Variants in DMXL1 observed in about 807,000 individuals in gnomAD.
DMXL1 encodes the protein dmX-like protein 1.
In DMXL1, 99 loss-of-function variants were observed where a neutral mutation model predicts 319.2. The observed-to-expected ratio is 0.31, with a 90% CI of 0.26 to 0.37. DMXL1 has a LOEUF of 0.37. Among genes scored for constraint, DMXL1 ranks in the 10% least tolerant of loss-of-function variants. DMXL1 has a pLI of 1.00. For synonymous variants in DMXL1, 1,385 were observed against 1,235.2 expected, an observed-to-expected ratio of 1.12 and a Z score of -2.54; for missense variants, 3,745 against 3,595.6, an observed-to-expected ratio of 1.04 and a Z score of -1.06.
At chr5:119,154,468 A>G (rs1434032786) in intron 19 of DMXL1, among the ~76,000 whole-genome samples, 1 of 152,268 alleles carries the variant, frequency 6.6e-6, no homozygotes, top group Non-Finnish European at 1.5e-5. Context: ...ACTAGCCACA[A>G]GATTCTCTTA....
chr5:119,197,640 T>A (rs1281087522), intron 31 of DMXL1, 115 bp from the exon 32 acceptor site: 1 of 945,246 alleles, frequency 1.1e-6, no homozygotes, highest in Non-Finnish European at 1.6e-6. Flanking sequence ...ATATTTCATC[T>A]CAGTCTTTTT....
chr5:119,165,991 C>T (rs1324873263), intron 21 of DMXL1, among the ~76,000 whole-genome samples: 2 of 152,204 alleles, frequency 1.3e-5, no homozygotes, highest in African/African-American at 2.4e-5. Context: ...TACCTCTGCA[C>T]TATGGGCCAG....
At chr5:119,099,879 T>C (rs1756848841) in intron 2 of DMXL1, among the ~76,000 whole-genome samples, 1 of 152,110 alleles carries the variant, frequency 6.6e-6, no homozygotes, top group Non-Finnish European at 1.5e-5. Context: ...TATGCTCCTG[T>C]AGTCCTAGCT....
At chr5:119,194,015 T>G in intron 30 of DMXL1, 45 bp downstream of exon 30, 1 of 1,319,290 alleles carries the variant, frequency 7.6e-7, no homozygotes, top group Non-Finnish European at 1.0e-6. Flanking sequence ...AATAATGGTG[T>G]ATATAAATAA....
intron 20 of DMXL1, 89 bp from the exon 21 acceptor site, chr5:119,165,094 C>G (rs1184600089): frequency 4.1e-6 from 3 of 738,378 alleles, no homozygotes; most frequent in African/African-American, 1.8e-5. Context: ...ATTAAACATT[C>G]AATGGATATG....
intron 1 of DMXL1, among the ~76,000 whole-genome samples, chr5:119,083,576 C>T (rs1176895390): frequency 1.3e-5 from 2 of 151,910 alleles, no homozygotes; most frequent in Non-Finnish European, 2.9e-5. Context: ...GAGTCTTGCT[C>T]TGTTGCCCAG....
intron 40 of DMXL1, among the ~76,000 whole-genome samples, chr5:119,238,222 G>C (rs983294662): frequency 1.3e-4 from 20 of 151,950 alleles, no homozygotes; most frequent in African/African-American, 4.8e-4. Flanking sequence ...AGAGGATTTT[G>C]TCTGTTTTAA....
Position 119,143,950 on chromosome 5 carries a change from G to T in DMXL1, c.2466+20G>T. On this transcript the variant is annotated intron_variant, in intron 14 of 43. Transcript: ENST00000539542. ...AAACTTGTAAGTATTAATTTTGGGG[G>T]GGAGGTATATTAAAAAAAAGTTTAT... The T allele has an allele frequency of 6.9e-7, 1 of 1,449,948 alleles. No homozygotes were observed. Among genetic ancestry groups the T allele is most frequent in the African/African-American group, 1.5e-5 (1 of 68,704 alleles). 89.8% of individuals were successfully genotyped at this position (1,449,948 alleles called of 1,614,324 possible).
rs186431441 is a variant in DMXL1 at position 119,101,349 on chromosome 5, G to T, written c.214-586G>T. Among the ~76,000 whole-genome samples, 806 of 151,552 alleles carry T rather than the reference G, an allele frequency of 5.3e-3. 3 individuals are homozygous for T. The highest frequency in any genetic ancestry group is 0.019 in the African/African-American group (777 of 41,270). ...ATTCATTCATTTAATCTCTCTCTCT[G>T]TTTGATTTCCAATATTTTGATGTTC... On this transcript the variant is annotated intron_variant, in intron 2 of 43. Coordinates refer to ENST00000539542, the MANE Select transcript of DMXL1 (RefSeq NM_001290321.3).
chr5:119,175,191 A>T, intron 25 of DMXL1, 70 bp from the exon 26 acceptor site: 1 of 1,181,152 alleles, frequency 8.5e-7, no homozygotes, highest in Middle Eastern at 2.3e-4. Flanking sequence ...TGCTGATTAT[A>T]TTAGGTCTTG....
rs73247055 is a variant in DMXL1, at chr5:119,227,320, C to T, written c.8338+2551C>T. On this transcript the variant is annotated intron_variant, in intron 38 of 43. Coordinates refer to ENST00000539542, the MANE Select transcript of DMXL1 (RefSeq NM_001290321.3). ...AATAAGTATTTGTTGAAATCATACACTTGATAGGTTCTATATAAGCCTAGC... is the reference window on the plus strand; with the variant it reads ...AATAAGTATTTGTTGAAATCATACATTTGATAGGTTCTATATAAGCCTAGC... Among the ~76,000 whole-genome samples the T allele has an allele frequency of 1.8e-3, 269 of 152,172 alleles. 1 individual carries two copies. Among genetic ancestry groups the T allele is most frequent in the African/African-American group, 6.0e-3 (247 of 41,512 alleles).
At chr5:119,215,624 A>G (rs936738026) in intron 34 of DMXL1, among the ~76,000 whole-genome samples, 2 of 151,950 alleles carry the variant, frequency 1.3e-5, no homozygotes, top group African/African-American at 4.8e-5. Flanking sequence ...GAGCCACCAC[A>G]CCTGACCTTA....
At chr5:119,148,591 T>C (rs1008228221) in intron 17 of DMXL1, 148 bp from the exon 18 acceptor site, 12 of 703,270 alleles carry the variant, frequency 1.7e-5, no homozygotes, top group East Asian at 5.4e-5. Context: ...CTGTCTATTA[T>C]GCAGTTTAAA....
chr5:119,178,594 T>C, intron 28 of DMXL1: 1 of 985,338 alleles, frequency 1.0e-6, no homozygotes, highest in South Asian at 4.7e-5. Context: ...TTGCTATGCC[T>C]AGCCCCCACC....
At chr5:119,151,630 C>T (rs1416512789) in intron 18 of DMXL1, among the ~76,000 whole-genome samples, 1 of 151,972 alleles carries the variant, frequency 6.6e-6, no homozygotes, top group Non-Finnish European at 1.5e-5. Flanking sequence ...GTACATGTGC[C>T]ACAGAAAAGG....
At position 119,149,239 on chromosome 5, in the gene DMXL1, C is replaced by G; in HGVS notation, c.3412C>G (p.His1138Asp). ...AGAGAATATCACATCAAACACAAAG[C>G]ATTTAGTTCACTTAGATTGGATGTC... is the stretch of plus-strand genomic sequence containing the variant. Reference protein sequence around the residue: ...SKENITSNTKHLVHLDWMSRE... With the variant: ...SKENITSNTKDLVHLDWMSRE... Residue 1138 changes from histidine (H) to aspartate (D), a missense_variant, in exon 18 of 44, where the codon CAT becomes GAT. Transcript: ENST00000539542. 3 of 1,613,816 alleles carry G rather than the reference C, an allele frequency of 1.9e-6. No individual in the cohort carries two copies. The East Asian group carries it at 6.7e-5, about 36-fold the overall frequency.
At position 119,219,560 on chromosome 5, in the gene DMXL1, A is replaced by ATTTATTTATTTATTT. The variant is rs200458602; in HGVS notation, c.8014-912_8014-911insTTTATTTATTTATTT. On this transcript the variant is annotated intron_variant, in intron 35 of 43. Transcript: ENST00000539542. ...CTGTTTCAAAGATACACATTTAATTAATTAATTAATTTATTTATTTATTTA... is the reference window on the plus strand; with the variant it reads ...CTGTTTCAAAGATACACATTTAATTATTTATTTATTTATTTATTAATTAATTTATTTATTTATTTA... 7.3e-4 allele frequency among the ~76,000 whole-genome samples: 110 copies of ATTTATTTATTTATTT among 151,126 alleles called. 1 individual carries two copies. The highest frequency in any genetic ancestry group is 2.5e-3 in the African/African-American group (103 of 40,734).
chr5:119,234,438 C>T (rs1293015927), intron 39 of DMXL1, among the ~76,000 whole-genome samples: 3 of 152,212 alleles, frequency 2.0e-5, no homozygotes, highest in Admixed American at 1.3e-4. Flanking sequence ...CTCCCTCACA[C>T]ATTAAATTCT....
At chr5:119,187,362 A>G (rs1217215603) in intron 28 of DMXL1, among the ~76,000 whole-genome samples, 1 of 152,212 alleles carries the variant, frequency 6.6e-6, no homozygotes, top group Non-Finnish European at 1.5e-5. Flanking sequence ...ATATTTGATT[A>G]TTAGCATTTT....
Sources: allele counts gnomAD v4.1 joint callset (sites outside exome capture counted in the v4.1 genomes callset), GRCh38; gene constraint gnomAD v4.1.1; transcripts MANE v1.5; gene names NCBI Gene and HGNC (gene_info 2026-07-23, HGNC 2026-07-21).